SMG1: variants seen among roughly 807,000 people sequenced by gnomAD.
SMG1 encodes serine/threonine-protein kinase SMG1.
Under a neutral mutation model 419.9 loss-of-function variants are expected in SMG1, and 22 were observed. That is an observed-to-expected ratio of 0.05 (90% CI 0.04 to 0.07). The LOEUF is 0.07. SMG1 is among the 10% of genes least tolerant of loss of function. The probability of loss-of-function intolerance (pLI) is 1.00; values close to 1 mark genes in which losing one functional copy is unlikely to be tolerated. For synonymous variants in SMG1, 1,538 were observed against 1,553.5 expected (o/e 0.99, Z 0.23); for missense variants, 3,185 against 4,342.0 (o/e 0.73, Z 7.49).
At chr16:18,876,683 T>A (rs1460220221) in intron 12 of SMG1, among the ~76,000 whole-genome samples, 1 of 137,392 alleles carries the variant, frequency 7.3e-6, no homozygotes, top group Non-Finnish European at 1.5e-5. Flanking sequence ...TTTTTTTAAA[T>A]AATCAACATC....
At position 18,905,533 on chromosome 16, in the gene SMG1, T is replaced by C. The variant is rs1461271884; in HGVS notation, c.93-8577A>G. On this transcript the variant is annotated intron_variant, in intron 1 of 62. Coordinates refer to ENST00000446231, the MANE Select transcript of SMG1 (RefSeq NM_015092.5). The stretch of plus-strand genomic sequence containing the variant: ...CAATTTCTCAATACCATTCTAAAGT[T>C]TATGAGTTTTTTAGTTAACTTTAAT... 2.6e-5 allele frequency among the ~76,000 whole-genome samples: 4 copies of C among 152,180 alleles called. 1 individual carries two copies. Among genetic ancestry groups the C allele is most frequent in the Admixed American group, 2.6e-4 (4 of 15,260 alleles).
chr16:18,857,517 TAATC>T (rs2034979505), intron 29 of SMG1: 3 of 152,150 alleles, frequency 2.0e-5, no homozygotes, highest in Non-Finnish European at 2.9e-5. Context: ...TCAGCATCAT[TAATC>T]AAGAAAATGT....
At chr16:18,908,879 CAAA>C (rs765269837) in intron 1 of SMG1, among the ~76,000 whole-genome samples, 5 of 103,362 alleles carry the variant, frequency 4.8e-5, no homozygotes, top group Admixed American at 1.0e-4. Context: ...GACTCCGCCT[CAAA>C]AAAAAAAAAA....
chr16:18,820,755 G>A (rs1416234791), intron 55 of SMG1, among the ~76,000 whole-genome samples: 1 of 152,126 alleles, frequency 6.6e-6, no homozygotes. Context: ...ATCTTCAAAT[G>A]ACTGAGCTCC....
At chr16:18,889,114 G>A (rs1315565231) in intron 6 of SMG1, among the ~76,000 whole-genome samples, 4 of 152,214 alleles carry the variant, frequency 2.6e-5, no homozygotes, top group South Asian at 2.1e-4. Flanking sequence ...GTGAGCCACC[G>A]CACCTGGCGT....
chr16:18,814,085 A>G (rs1471975763), intron 60 of SMG1, among the ~76,000 whole-genome samples: 2 of 149,538 alleles, frequency 1.3e-5, no homozygotes, highest in Non-Finnish European at 3.0e-5. Context: ...AAATAAAAAT[A>G]AATAAGAAAA....
chr16:18,810,558 T>C (rs12935252), intron 62 of SMG1, among the ~76,000 whole-genome samples: 46,904 of 152,060 alleles, frequency 0.31, 7,983 homozygotes, highest in Non-Finnish European at 0.39. Context: ...TTTAGACTTA[T>C]GGATTTATTG....
intron 1 of SMG1, 142 bp from the exon 2 acceptor site, chr16:18,897,098 C>G (rs983194653): frequency 8.6e-6 from 5 of 584,666 alleles, no homozygotes; most frequent in Non-Finnish European, 1.5e-5. Context: ...TGTAAGCACT[C>G]AGCTGTCTAA....
At chr16:18,851,447 G>C (rs1408001512) in intron 33 of SMG1, among the ~76,000 whole-genome samples, 1 of 152,248 alleles carries the variant, frequency 6.6e-6, no homozygotes, top group Non-Finnish European at 1.5e-5. Flanking sequence ...GTATCTGGGA[G>C]TAAGTTTCGT....
Position 18,809,443 on chromosome 16 carries a change from G to T in SMG1, c.*126C>A. On this transcript the variant is annotated 3_prime_UTR_variant, in exon 63 of 63. Transcript: ENST00000446231. The stretch of plus-strand genomic sequence containing the variant: ...TTCCTAGTGCACCGAGATTTCCTAG[G>T]TTTCCTCAGAGTAAGCCCCCAGTTG... The T allele has an allele frequency of 1.4e-6, 1 of 709,058 alleles. No homozygotes were observed. The highest frequency in any genetic ancestry group is 2.5e-6 in the Non-Finnish European group (1 of 396,500). 43.9% of individuals were successfully genotyped at this position (709,058 alleles called of 1,614,324 possible). A position where few individuals can be genotyped will look rare whatever the true frequency, so the allele number is the denominator to read the frequency against.
chr16:18,816,247 T>C, intron 58 of SMG1, 55 bp downstream of exon 58: 1 of 1,347,898 alleles, frequency 7.4e-7, no homozygotes, highest in Non-Finnish European at 1.0e-6. Flanking sequence ...ATAAAACTAC[T>C]TGTAAATTTT....
At chr16:18,847,635 C>T (rs747104492) in intron 37 of SMG1, 28 bp from the exon 38 acceptor site, 1 of 1,613,432 alleles carries the variant, frequency 6.2e-7, no homozygotes, top group Non-Finnish European at 8.5e-7. Context: ...CCAAATAGCT[C>T]ATCTACAAGC....
At chr16:18,867,862 C>T (rs2141564236) in intron 22 of SMG1, among the ~76,000 whole-genome samples, 1 of 151,944 alleles carries the variant, frequency 6.6e-6, no homozygotes, top group South Asian at 2.1e-4. Flanking sequence ...GCGCCTGCCA[C>T]CACGCCCAGC....
intron 1 of SMG1, among the ~76,000 whole-genome samples, chr16:18,914,939 A>G (rs547960452): frequency 6.7e-6 from 1 of 148,582 alleles, no homozygotes; most frequent in Non-Finnish European, 1.5e-5. Context: ...TTAAATTACC[A>G]TATTTTTTTT....
chr16:18,809,374 G>A lies in SMG1; in HGVS notation c.*195C>T. 1.8e-6 allele frequency: 1 copy of A among 558,974 alleles called. No individual in the cohort carries two copies. Among genetic ancestry groups the A allele is most frequent in the African/African-American group, 1.9e-5 (1 of 52,922 alleles). The allele number at this position is 558,974 out of a possible 1,614,324, so 34.6% of individuals were successfully genotyped here. On this transcript the variant is annotated 3_prime_UTR_variant, in exon 63 of 63. Transcript: ENST00000446231. ...CCTTGACCCTGGGGTTGCAGGCCAT[G>A]GTGTTGGGCGTATCCCTGAGTGCAG...
At chr16:18,829,873 C>A in intron 53 of SMG1, 53 bp downstream of exon 53, 1 of 1,454,224 alleles carries the variant, frequency 6.9e-7, no homozygotes, top group Non-Finnish European at 9.2e-7. Context: ...TATCCTGCCC[C>A]CTTCCATAGT....
Position 18,864,087 on chromosome 16 carries a change from A to G in SMG1, c.3408T>C (p.Asp1136=), listed in dbSNP as rs1468609602. 5.8e-6 allele frequency: 9 copies of G among 1,549,630 alleles called. 1 individual carries two copies. The East Asian group carries it at 7.3e-5, about 13-fold the overall frequency. Residue 1136 remains aspartate (D), a synonymous_variant, in exon 24 of 63, where the codon GAT becomes GAC. Transcript: ENST00000446231. Reference sequence around the variant, plus strand: ...ATTTGTCAAAGCTGGAGATGCAGCAATCAACACCTGTCATGGCACACAGGT... The same window carrying G: ...ATTTGTCAAAGCTGGAGATGCAGCAGTCAACACCTGTCATGGCACACAGGT... The part of the protein sequence containing the change: ...QEHLCAMTGV[D]CCISSFDKSV...
chr16:18,884,825 C>T (rs995048263), intron 8 of SMG1: 3 of 409,156 alleles, frequency 7.3e-6, no homozygotes, highest in African/African-American at 6.3e-5. Flanking sequence ...ATTGCCACTA[C>T]AATATATTCT....
At chr16:18,851,411 G>A (rs971120032) in intron 33 of SMG1, among the ~76,000 whole-genome samples, 14 of 151,440 alleles carry the variant, frequency 9.2e-5, no homozygotes, top group African/African-American at 2.7e-4. Flanking sequence ...ACACACACGC[G>A]CACGCGCACA....
Sources: allele counts gnomAD v4.1 joint callset (sites outside exome capture counted in the v4.1 genomes callset), GRCh38; gene constraint gnomAD v4.1.1; transcripts MANE v1.5; gene names NCBI Gene and HGNC (gene_info 2026-07-23, HGNC 2026-07-21).